HECTD2: variants seen among roughly 807,000 people sequenced by gnomAD.
HECTD2 encodes the protein HECT domain E3 ubiquitin protein ligase 2, also known as probable E3 ubiquitin-protein ligase HECTD2.
HECTD2 carries 35 observed loss-of-function variants against 103.2 expected under a neutral mutation model. That is an observed-to-expected ratio of 0.34 (90% CI 0.26 to 0.45). The LOEUF is 0.45. HECTD2 is among the 20% of genes least tolerant of loss of function. The pLI, the probability that HECTD2 is intolerant of heterozygous loss-of-function variation, is 1.00. For synonymous variants in HECTD2, 281 were observed against 329.9 expected (o/e 0.85, Z 1.61); for missense variants, 596 against 937.4 (o/e 0.64, Z 4.76).
intron 15 of HECTD2, among the ~76,000 whole-genome samples, chr10:91,497,294 T>C (rs1348070556): frequency 7.4e-6 from 1 of 134,394 alleles, no homozygotes; most frequent in East Asian, 2.0e-4. Context: ...TTTCTTTTTT[T>C]TTTTTTTTTT....
rs1007601021 is a variant in HECTD2 at position 91,487,861 on chromosome 10, AT to A, written c.1191+85del. On this transcript the variant is annotated intron_variant, in intron 11 of 20. Coordinates refer to ENST00000298068, the MANE Select transcript of HECTD2 (RefSeq NM_182765.6). This position sits in a 1 kb window ranked among gnomAD's most constrained non-coding sequence, Gnocchi z 4.1. The stretch of plus-strand genomic sequence containing the variant: ...AATAAATAATTTAAATGTCTTGTGA[AT>A]TGTTCTAGCATAATCAGGAATGTTA... 3.5e-6 allele frequency: 3 copies of A among 850,766 alleles called. No homozygotes were observed. Among genetic ancestry groups the A allele is most frequent in the Non-Finnish European group, 5.3e-6 (3 of 561,266 alleles). 52.7% of individuals were successfully genotyped at this position (850,766 alleles called of 1,614,324 possible).
At chr10:91,429,114 T>C (rs1166408494) in intron 2 of HECTD2, among the ~76,000 whole-genome samples, 2 of 151,948 alleles carry the variant, frequency 1.3e-5, no homozygotes, top group African/African-American at 4.9e-5. Flanking sequence ...TCAAAGGCCT[T>C]TTCTGCATCT....
At chr10:91,414,665 T>G (rs1025003449) in intron 1 of HECTD2, among the ~76,000 whole-genome samples, 31 of 152,288 alleles carry the variant, frequency 2.0e-4, no homozygotes, top group South Asian at 1.5e-3. Context: ...GTAAAGGTAA[T>G]TATTTAAGCT....
intron 5 of HECTD2, among the ~76,000 whole-genome samples, chr10:91,468,509 CT>C (rs1347829298): frequency 2.0e-5 from 3 of 152,212 alleles, no homozygotes; most frequent in African/African-American, 7.2e-5. Context: ...AAAAGCCAGT[CT>C]TCTCACCTCC....
At chr10:91,410,605 C>T in intron 1 of HECTD2, 29 bp downstream of exon 1, 11 of 1,179,718 alleles carry the variant, frequency 9.3e-6, no homozygotes, top group Admixed American at 8.2e-5. Context: ...CCGTCTGGCG[C>T]CCCGGACGGC....
chr10:91,491,420 A>G, intron 12 of HECTD2, 113 bp downstream of exon 12: 1 of 543,460 alleles, frequency 1.8e-6, no homozygotes, highest in Non-Finnish European at 3.2e-6. Context: ...GTGCTTCCTT[A>G]AATTCTTTTG....
chr10:91,415,150 C>T (rs1843070172), intron 1 of HECTD2, among the ~76,000 whole-genome samples: 1 of 151,376 alleles, frequency 6.6e-6, no homozygotes, highest in Non-Finnish European at 1.5e-5. Flanking sequence ...AGGAAAAGGA[C>T]TCAGGTTTCC....
chr10:91,425,714 G>A (rs1190716553), intron 2 of HECTD2, among the ~76,000 whole-genome samples: 2 of 150,848 alleles, frequency 1.3e-5, no homozygotes, highest in African/African-American at 2.4e-5. Flanking sequence ...AATATGTAAT[G>A]GATATCCCAT....
rs201055708 is a variant in HECTD2, at chr10:91,498,892, A to G, written c.1776A>G (p.Gly592=). 11 of 1,599,256 alleles carry G rather than the reference A, an allele frequency of 6.9e-6. No homozygotes were observed. The highest frequency in any genetic ancestry group is 1.7e-5 in the Admixed American group (1 of 59,250). The part of the protein sequence containing the change: ...STFQVFQEEF[G]IIKSYNLKPG... ...ATCAGGTTTTTCAAGAAGAATTTGG[A>G]ATAATCAAGTCCTATAATTTAAAGC... The change falls in exon 17 of 21, where the codon GGA becomes GGG. Residue 592 remains glycine, a synonymous_variant. Transcript: ENST00000298068.
At chr10:91,429,627 A>ATTTATCCATTTCTTC (rs1302201460) in intron 2 of HECTD2, among the ~76,000 whole-genome samples, 1 of 152,154 alleles carries the variant, frequency 6.6e-6, no homozygotes, top group Non-Finnish European at 1.5e-5. Flanking sequence ...GTGTCGAGGA[A>ATTTATCCATTTCTTC]TTTATCCATT....
intron 2 of HECTD2, among the ~76,000 whole-genome samples, chr10:91,459,139 AC>A (rs1298084420): frequency 1.3e-5 from 2 of 152,032 alleles, no homozygotes; most frequent in African/African-American, 4.8e-5. Flanking sequence ...AACCTCATTA[AC>A]CATTAGGAAA....
At chr10:91,463,292 G>A (rs982787167) in intron 5 of HECTD2, 8 of 151,940 alleles carry the variant, frequency 5.3e-5, no homozygotes, top group Non-Finnish European at 1.0e-4. Context: ...AAATAAGGAA[G>A]ATAAAATATA....
In HECTD2 at chr10:91,513,637, G is replaced by C. The variant is rs764999245; in HGVS notation, c.*1253G>C. 6.6e-6 allele frequency: 1 copy of C among 152,450 alleles called. No individual in the cohort carries two copies. Among genetic ancestry groups the C allele is most frequent in the Non-Finnish European group, 1.5e-5 (1 of 68,014 alleles). 9.4% of individuals were successfully genotyped at this position (152,450 alleles called of 1,614,324 possible). A position where few individuals can be genotyped will look rare whatever the true frequency, so the allele number is the denominator to read the frequency against. On this transcript the variant is annotated 3_prime_UTR_variant, in exon 21 of 21. Coordinates refer to ENST00000298068, the MANE Select transcript of HECTD2 (RefSeq NM_182765.6). ...CATGTTACAAATATTGCCAAACCAA[G>C]ACTTCTCTACCATACTTTAACAGCT...
chr10:91,510,515 C>T (rs1055348112), intron 20 of HECTD2, among the ~76,000 whole-genome samples: 1 of 152,064 alleles, frequency 6.6e-6, no homozygotes, highest in African/African-American at 2.4e-5. Context: ...TGTTTTCTTT[C>T]AGTTTTAAGA....
chr10:91,424,032 A>G (rs1226911035), intron 1 of HECTD2, among the ~76,000 whole-genome samples: 1 of 152,136 alleles, frequency 6.6e-6, no homozygotes, highest in Non-Finnish European at 1.5e-5. Flanking sequence ...ATTAAGGTTT[A>G]TTATTGCTAA....
At position 91,461,297 on chromosome 10, in the gene HECTD2, G is replaced by A. The variant is rs887762821; in HGVS notation, c.451G>A (p.Val151Ile). Residue 151 changes from valine to isoleucine, a missense_variant, in exon 4 of 21, where the codon GTA (valine) becomes ATA (isoleucine). Physicochemically the swap from Val to Ile is conservative, Grantham distance 29 (BLOSUM62 3). This residue lies in a region of HECTD2 where 220 missense variants were observed against 233.9 expected (regional missense o/e 0.94). Transcript: ENST00000298068. ...KVKSSGDWKAVHDFYLTTFDS... is the reference protein window; with the variant it reads ...KVKSSGDWKAIHDFYLTTFDS... ...TAAGTCATCAGGAGATTGGAAAGCAGTACATGATTTTTATCTAACAACGTT... is the reference window on the plus strand; with the variant it reads ...TAAGTCATCAGGAGATTGGAAAGCAATACATGATTTTTATCTAACAACGTT... 6.4e-7 allele frequency: 1 copy of A among 1,555,678 alleles called. No individual in the cohort carries two copies. Among genetic ancestry groups the A allele is most frequent in the Non-Finnish European group, 8.7e-7 (1 of 1,153,160 alleles).
At chr10:91,452,625 C>T (rs1207514893) in intron 2 of HECTD2, among the ~76,000 whole-genome samples, 2 of 151,912 alleles carry the variant, frequency 1.3e-5, no homozygotes, top group East Asian at 1.9e-4. Context: ...GATATTTGAG[C>T]TAGCATACTC....
chr10:91,461,967 C>T, intron 4 of HECTD2, 128 bp from the exon 5 acceptor site: 12 of 663,132 alleles, frequency 1.8e-5, no homozygotes, highest in South Asian at 4.0e-5. Flanking sequence ...GAAATTTTGC[C>T]CTAACAGTTC....
chr10:91,411,148 G>A (rs1017631458), intron 1 of HECTD2, among the ~76,000 whole-genome samples: 1 of 152,094 alleles, frequency 6.6e-6, no homozygotes, highest in African/African-American at 2.4e-5. Flanking sequence ...TGACTCAGGT[G>A]GGGGGAGGCT....
Sources: allele counts gnomAD v4.1 joint callset (sites outside exome capture counted in the v4.1 genomes callset), GRCh38; gene constraint gnomAD v4.1.1; regional missense constraint gnomAD v4.1.1; non-coding constraint Gnocchi (gnomAD v3.1); transcripts MANE v1.5; gene names NCBI Gene and HGNC (gene_info 2026-07-23, HGNC 2026-07-21).